GRB2: variants seen among roughly 807,000 people sequenced by gnomAD.
GRB2 encodes the protein growth factor receptor-bound protein 2.
In GRB2, 2 loss-of-function variants were observed where a neutral mutation model predicts 27.4. The ratio of observed to expected loss-of-function variants is 0.07; its 90% CI spans 0.03 to 0.23. The LOEUF (loss-of-function observed/expected upper bound fraction) is 0.23, where lower values mean the gene tolerates loss of function less well. GRB2 is among the 10% of genes least tolerant of loss of function. The pLI is 1.00. For missense variants in GRB2, 102 were observed against 282.4 expected (o/e 0.36, Z 4.58); for synonymous variants, 94 against 99.6 (o/e 0.94, Z 0.33).
chr17:75,323,830 G>T (rs1166922512), intron 4 of GRB2, among the ~76,000 whole-genome samples: 1 of 151,006 alleles, frequency 6.6e-6, no homozygotes, highest in African/African-American at 2.4e-5. Context: ...TTTAAAGATG[G>T]ATGGAGTCTT....
intron 2 of GRB2, among the ~76,000 whole-genome samples, chr17:75,385,076 C>CA (rs1555612754): frequency 0.14 from 9,410 of 68,946 alleles, 395 homozygotes; most frequent in East Asian, 0.2. Flanking sequence ...AACAAACAAA[C>CA]AAAAAAACCC....
intron 3 of GRB2, 98 bp downstream of exon 3, chr17:75,332,602 A>G (rs1052240006): frequency 2.3e-5 from 16 of 707,688 alleles, no homozygotes; most frequent in African/African-American, 1.6e-4. Flanking sequence ...ACGTGAATAA[A>G]AAGTATGACA....
At chr17:75,388,453 A>G (rs950173683) in intron 2 of GRB2, among the ~76,000 whole-genome samples, 4 of 152,008 alleles carry the variant, frequency 2.6e-5, no homozygotes, top group Non-Finnish European at 5.9e-5. Flanking sequence ...GGTTTAGTCA[A>G]CAAGATTGAT....
chr17:75,365,763 T>G (rs897279314), intron 2 of GRB2, among the ~76,000 whole-genome samples: 6 of 151,976 alleles, frequency 3.9e-5, no homozygotes, highest in Admixed American at 1.3e-4. Context: ...TTAGAAACAA[T>G]TAATAACCAG....
chr17:75,385,640 T>C (rs1412237476), intron 2 of GRB2, among the ~76,000 whole-genome samples: 1 of 152,212 alleles, frequency 6.6e-6, no homozygotes, highest in East Asian at 1.9e-4. Flanking sequence ...TTTGGGCAAA[T>C]TAAGCCTCAG....
intron 2 of GRB2, among the ~76,000 whole-genome samples, chr17:75,351,882 A>G (rs886270624): frequency 2.6e-5 from 4 of 152,324 alleles, no homozygotes; most frequent in South Asian, 2.1e-4. Flanking sequence ...TCTAAGTAGT[A>G]CACTCTGACA....
Position 75,361,777 on chromosome 17 carries a change from C to T in GRB2, c.79-28980G>A, listed in dbSNP as rs908752398. ...AGGATTTCATGAGCAAAATATATTA[C>T]GCTCATTACATGTCCATTACTAACT... is the stretch of plus-strand genomic sequence containing the variant. On this transcript the variant is annotated intron_variant, in intron 2 of 5. Transcript: ENST00000316804. 2.6e-5 allele frequency among the ~76,000 whole-genome samples: 4 copies of T among 151,688 alleles called. No individual in the cohort carries two copies. The East Asian group carries it at 5.8e-4, about 22-fold the overall frequency.
intron 2 of GRB2, among the ~76,000 whole-genome samples, chr17:75,340,544 G>T (rs912612849): frequency 3.9e-5 from 6 of 152,110 alleles, no homozygotes; most frequent in Non-Finnish European, 7.4e-5. Flanking sequence ...GCTTTTAAAA[G>T]ACTTTAGCCC....
rs376887218 is a variant in GRB2 at position 75,381,891 on chromosome 17, C to T, written c.78+11660G>A. ...TTTATAACTAAACTAAAAGCTCTTG[C>T]ATTTTTCAAAAGAAAAATGTTACCA... On this transcript the variant is annotated intron_variant, in intron 2 of 5. Transcript: ENST00000316804. Among the ~76,000 whole-genome samples, 173 of 152,048 alleles carry T rather than the reference C, an allele frequency of 1.1e-3. 1 individual carries two copies. Among genetic ancestry groups the T allele is most frequent in the Non-Finnish European group, 2.0e-3 (137 of 67,998 alleles).
Position 75,324,507 on chromosome 17 carries a change from G to GTTTT in GRB2, c.299+1387_299+1390dup, listed in dbSNP as rs767194304. Among the ~76,000 whole-genome samples, 21 of 36,698 alleles carry GTTTT rather than the reference G, an allele frequency of 5.7e-4. 1 individual carries two copies. The highest frequency in any genetic ancestry group is 1.1e-3 in the South Asian group (1 of 878). 24.1% of individuals were successfully genotyped at this position (36,698 alleles called of 152,430 possible). A position where few individuals can be genotyped will look rare whatever the true frequency, so the allele number is the denominator to read the frequency against. On this transcript the variant is annotated intron_variant, in intron 4 of 5. Coordinates refer to ENST00000316804, the MANE Select transcript of GRB2 (RefSeq NM_002086.5). ...TTACAGGTGTGAGCCACCGCACCCA[G>GTTTT]TTTTTTTTTTTTTTTTTTTTTTTTT...
chr17:75,352,658 CCTA>C (rs1057099958), intron 2 of GRB2, among the ~76,000 whole-genome samples: 6 of 152,162 alleles, frequency 3.9e-5, no homozygotes, highest in African/African-American at 1.4e-4. Flanking sequence ...CTAAGATATC[CCTA>C]CTGTTTGCAG....
chr17:75,367,232 G>A (rs982237505), intron 2 of GRB2, among the ~76,000 whole-genome samples: 14 of 152,086 alleles, frequency 9.2e-5, no homozygotes, highest in Admixed American at 3.9e-4. Context: ...GTGCTGTAGC[G>A]TGATTATGGC....
intron 2 of GRB2, among the ~76,000 whole-genome samples, chr17:75,336,356 A>C (rs1452549831): frequency 6.6e-6 from 1 of 152,204 alleles, no homozygotes; most frequent in African/African-American, 2.4e-5. Flanking sequence ...CTTTTACTGT[A>C]TACACTTGTT....
intron 2 of GRB2, among the ~76,000 whole-genome samples, chr17:75,354,199 G>C (rs1241197153): frequency 7.0e-6 from 1 of 143,084 alleles, no homozygotes; most frequent in Non-Finnish European, 1.5e-5. Context: ...CTCAGAACTT[G>C]GAAGAGACAT....
At chr17:75,359,585 T>C (rs2078765544) in intron 2 of GRB2, among the ~76,000 whole-genome samples, 1 of 152,018 alleles carries the variant, frequency 6.6e-6, no homozygotes, top group Admixed American at 6.6e-5. Context: ...AAGCTCTCCA[T>C]GGCCCAGACC....
At chr17:75,339,032 G>C in intron 2 of GRB2, 1 of 1,263,908 alleles carries the variant, frequency 7.9e-7, no homozygotes, top group Admixed American at 1.7e-5. Flanking sequence ...ACTGTGCTAA[G>C]GCTTGAGTGC....
At chr17:75,376,344 CAAAAA>C (rs71159502) in intron 2 of GRB2, among the ~76,000 whole-genome samples, 6 of 74,480 alleles carry the variant, frequency 8.1e-5, no homozygotes, top group East Asian at 4.8e-4. Context: ...GACTCTGTCT[CAAAAA>C]AAAAAAAAAA....
At position 75,319,895 on chromosome 17, in the gene GRB2, G is replaced by C. The variant is rs373599345; in HGVS notation, c.*473C>G. 2 of 154,270 alleles carry C rather than the reference G, an allele frequency of 1.3e-5. No individual in the cohort carries two copies. The highest frequency in any genetic ancestry group is 6.4e-5 in the Admixed American group (1 of 15,628). 9.6% of individuals were successfully genotyped at this position (154,270 alleles called of 1,614,324 possible). A position where few individuals can be genotyped will look rare whatever the true frequency, so the allele number is the denominator to read the frequency against. ...GAGGAAGCTAAACAGCAAAGGCATC[G>C]AGCGGCCCTGCCCGCTCCTTTTTGT... On this transcript the variant is annotated 3_prime_UTR_variant, in exon 6 of 6. Coordinates refer to ENST00000316804, the MANE Select transcript of GRB2 (RefSeq NM_002086.5).
intron 2 of GRB2, among the ~76,000 whole-genome samples, chr17:75,353,503 C>G (rs181713956): frequency 6.6e-6 from 1 of 152,236 alleles, no homozygotes; most frequent in East Asian, 1.9e-4. Context: ...TGGCTCACAC[C>G]TGTAATTCCA....
Sources: allele counts gnomAD v4.1 joint callset (sites outside exome capture counted in the v4.1 genomes callset), GRCh38; gene constraint gnomAD v4.1.1; transcripts MANE v1.5; gene names NCBI Gene and HGNC (gene_info 2026-07-23, HGNC 2026-07-21).